The following VNN1 variants were observed in gnomAD, a reference collection of about 807,000 sequenced individuals.
VNN1 encodes pantetheinase.
Under a neutral mutation model 41.9 loss-of-function variants are expected in VNN1, and 29 were observed. That is an observed-to-expected ratio of 0.69 (90% CI 0.52 to 0.94). VNN1 has a LOEUF of 0.94. VNN1 is among the 40% of genes least tolerant of loss of function. The probability of loss-of-function intolerance (pLI) is 0.00; values close to 1 mark genes in which losing one functional copy is unlikely to be tolerated. For synonymous variants in VNN1, 233 were observed against 224.4 expected (o/e 1.04, Z -0.34); for missense variants, 637 against 621.1 (o/e 1.03, Z -0.27).
chr6:132,706,017 C>T (rs140288256), intron 2 of VNN1, among the ~76,000 whole-genome samples: 14 of 152,116 alleles, frequency 9.2e-5, no homozygotes, highest in African/African-American at 3.4e-4. Context: ...TTGAAGAGGA[C>T]ACAAAACATG....
chr6:132,698,525 A>G (rs1035943296), intron 2 of VNN1, among the ~76,000 whole-genome samples: 3 of 152,272 alleles, frequency 2.0e-5, no homozygotes, highest in African/African-American at 7.2e-5. Flanking sequence ...ATGTGTGCAC[A>G]CAAAACTCTG....
At chr6:132,691,413 A>T (rs1173573315) in intron 5 of VNN1, among the ~76,000 whole-genome samples, 1 of 151,788 alleles carries the variant, frequency 6.6e-6, no homozygotes, top group Non-Finnish European at 1.5e-5. Context: ...GAGCAATGAG[A>T]GATTGGATCT....
At chr6:132,693,916 T>C (rs547311185) in intron 3 of VNN1, 74 bp downstream of exon 3, 1 of 1,518,842 alleles carries the variant, frequency 6.6e-7, no homozygotes, top group East Asian at 2.3e-5. Context: ...TCATTATCAA[T>C]AACATATTTT....
Position 132,682,912 on chromosome 6 carries a change from A to G in VNN1, c.*228T>C, listed in dbSNP as rs973011718. ...TTTGTGATACTTATTTGATATAATT[A>G]GCTCACGTCCAAGAAAGACCAATGT... On this transcript the variant is annotated 3_prime_UTR_variant, in exon 7 of 7. Coordinates refer to ENST00000367928, the MANE Select transcript of VNN1 (RefSeq NM_004666.3). 6.6e-6 allele frequency: 2 copies of G among 303,118 alleles called. No individual in the cohort carries two copies. The highest frequency in any genetic ancestry group is 4.3e-5 in the African/African-American group (2 of 46,352). The allele number at this position is 303,118 out of a possible 1,614,324, so 18.8% of individuals were successfully genotyped here.
intron 1 of VNN1, 95 bp from the exon 2 acceptor site, chr6:132,711,934 C>T: frequency 8.4e-7 from 1 of 1,197,410 alleles, no homozygotes; most frequent in Non-Finnish European, 1.1e-6. Context: ...CCCCCACACC[C>T]CTTAAATCTT....
At chr6:132,696,542 T>C (rs1319841902) in intron 2 of VNN1, among the ~76,000 whole-genome samples, 5 of 151,884 alleles carry the variant, frequency 3.3e-5, no homozygotes, top group African/African-American at 1.2e-4. Flanking sequence ...AAAGACAAAA[T>C]GAGAATCTTG....
At chr6:132,685,208 G>T (rs1235170144) in intron 5 of VNN1, among the ~76,000 whole-genome samples, 1 of 152,140 alleles carries the variant, frequency 6.6e-6, no homozygotes, top group Non-Finnish European at 1.5e-5. Context: ...TTCCACTATA[G>T]TACGTAGCTA....
In VNN1 at chr6:132,691,273, A is replaced by G. The variant is rs377384548; in HGVS notation, c.1188+950T>C. On this transcript the variant is annotated intron_variant, in intron 5 of 6. Coordinates refer to ENST00000367928, the MANE Select transcript of VNN1 (RefSeq NM_004666.3). ...AGCTTTTTGTGATTTCTGTAACTAC[A>G]ATATGGAGAACTGACTGGATGGAGC... 8.5e-5 allele frequency among the ~76,000 whole-genome samples: 13 copies of G among 152,332 alleles called. 1 individual carries two copies. Among genetic ancestry groups the G allele is most frequent in the East Asian group, 5.8e-4 (3 of 5,182 alleles).
Position 132,694,196 on chromosome 6 carries a change from ATTGGAGG to A in VNN1, c.342-21_342-15del. ...GTCTGGCCAAATCTGATACATGTTT[ATTGGAGG>A]AAAAAAATCTTTGTAAATCAATCTT... On this transcript the variant is annotated splice_polypyrimidine_tract_variant and intron_variant, in intron 2 of 6. Transcript: ENST00000367928. The A allele has an allele frequency of 6.4e-7, 1 of 1,552,468 alleles. No homozygotes were observed. The highest frequency in any genetic ancestry group is 2.1e-5 in the Admixed American group (1 of 48,094).
chr6:132,699,945 T>C (rs3798794), intron 2 of VNN1, among the ~76,000 whole-genome samples: 41,860 of 152,104 alleles, frequency 0.28, 6,300 homozygotes, highest in East Asian at 0.47. Flanking sequence ...TCTTTCTTAA[T>C]AGCATGAATT....
chr6:132,713,229 C>T (rs983391673), intron 1 of VNN1, among the ~76,000 whole-genome samples: 19 of 152,160 alleles, frequency 1.2e-4, no homozygotes, highest in Admixed American at 1.2e-3. Flanking sequence ...TACACCTAAT[C>T]GATCAATAGC....
At chr6:132,700,504 C>G (rs1395968509) in intron 2 of VNN1, among the ~76,000 whole-genome samples, 2 of 152,108 alleles carry the variant, frequency 1.3e-5, no homozygotes, top group African/African-American at 4.8e-5. Flanking sequence ...TGACACCCAT[C>G]TTGGCTATCC....
At position 132,684,518 on chromosome 6, in the gene VNN1, T is replaced by A; in HGVS notation, c.1189-13A>T. 3 of 1,612,912 alleles carry A rather than the reference T, an allele frequency of 1.9e-6. No homozygotes were observed. The highest frequency in any genetic ancestry group is 2.5e-6 in the Non-Finnish European group (3 of 1,179,346). On this transcript the variant is annotated splice_polypyrimidine_tract_variant and intron_variant, in intron 5 of 6. Transcript: ENST00000367928. ...ACAGGGTACAAATCTAGGGAAGTCA[T>A]GAAAACCAGTAAGTCATAAGAAAGT...
intron 2 of VNN1, among the ~76,000 whole-genome samples, chr6:132,709,817 G>A (rs1217984455): frequency 6.6e-6 from 1 of 152,138 alleles, no homozygotes; most frequent in South Asian, 2.1e-4. Flanking sequence ...TGGAGATGAG[G>A]TTCTAGGGAA....
chr6:132,684,189 G>A, intron 6 of VNN1, 146 bp downstream of exon 6: 1 of 752,096 alleles, frequency 1.3e-6, no homozygotes, highest in South Asian at 2.2e-5. Context: ...AATGCAGCCT[G>A]CTCAATGTCC....
chr6:132,689,801 A>T (rs1012778688), intron 5 of VNN1, among the ~76,000 whole-genome samples: 1 of 152,238 alleles, frequency 6.6e-6, no homozygotes, highest in African/African-American at 2.4e-5. Flanking sequence ...TAAGCATCAG[A>T]CCAAAGTATT....
intron 2 of VNN1, among the ~76,000 whole-genome samples, chr6:132,697,172 G>A (rs934025477): frequency 1.3e-5 from 2 of 151,968 alleles, no homozygotes; most frequent in African/African-American, 4.8e-5. Flanking sequence ...AGGAAGGAAG[G>A]AAGGAAGGAT....
chr6:132,691,905 G>A (rs141524210), intron 5 of VNN1, among the ~76,000 whole-genome samples: 5 of 152,186 alleles, frequency 3.3e-5, no homozygotes, highest in African/African-American at 1.2e-4. Context: ...CTACTTGGGA[G>A]GCTGAGGCGT....
intron 5 of VNN1, among the ~76,000 whole-genome samples, chr6:132,688,145 A>C (rs75842510): frequency 0.023 from 3,558 of 152,206 alleles, 143 homozygotes; most frequent in African/African-American, 0.082. Flanking sequence ...TCTTCAATAC[A>C]AAAATCCAAA....
Sources: allele counts gnomAD v4.1 joint callset (sites outside exome capture counted in the v4.1 genomes callset), GRCh38; gene constraint gnomAD v4.1.1; transcripts MANE v1.5; gene names NCBI Gene and HGNC (gene_info 2026-07-23, HGNC 2026-07-21).